Variants in LMO1 observed in about 807,000 individuals in gnomAD.
The protein encoded by LMO1 is LIM domain only 1.
Under a neutral mutation model 18.0 loss-of-function variants are expected in LMO1, and 10 were observed. That is an observed-to-expected ratio of 0.55 (90% CI 0.34 to 0.94). The LOEUF is 0.94. Ranked by LOEUF, LMO1 falls within the 40% of genes least tolerant of loss-of-function variation. The pLI is 0.02. For synonymous variants in LMO1, 77 were observed against 77.9 expected, an observed-to-expected ratio of 0.99 and a Z score of 0.06; for missense variants, 183 against 205.7, an observed-to-expected ratio of 0.89 and a Z score of 0.68.
chr11:8,260,599 C>T (rs1336172821), intron 1 of LMO1, among the ~76,000 whole-genome samples: 2 of 151,738 alleles, frequency 1.3e-5, no homozygotes, highest in African/African-American at 4.8e-5. Context: ...TTTTTTCTGA[C>T]GATTCAATAC....
chr11:8,233,077 G>A (rs1405519179), intron 1 of LMO1, among the ~76,000 whole-genome samples: 1 of 152,218 alleles, frequency 6.6e-6, no homozygotes, highest in Non-Finnish European at 1.5e-5. Context: ...GCTGGCCTCT[G>A]CACAGGCAGG....
At chr11:8,227,139 G>C (rs1262267785) in intron 2 of LMO1, 39 bp from the exon 3 acceptor site, 2 of 1,588,286 alleles carry the variant, frequency 1.3e-6, no homozygotes, top group South Asian at 1.1e-5. Flanking sequence ...GCAGCATTCT[G>C]GGAAGCTGGG....
intron 1 of LMO1, among the ~76,000 whole-genome samples, chr11:8,237,532 A>C (rs1952780525): frequency 6.6e-6 from 1 of 152,240 alleles, no homozygotes; most frequent in Admixed American, 6.5e-5. Flanking sequence ...CTCATTTGGA[A>C]TCAAAAGCCA....
At chr11:8,228,174 A>G (rs1952581905) in intron 2 of LMO1, among the ~76,000 whole-genome samples, 1 of 152,110 alleles carries the variant, frequency 6.6e-6, no homozygotes, top group African/African-American at 2.4e-5. Context: ...TGAGGCAGGC[A>G]CCCCTCCTCT....
chr11:8,229,626 G>C (rs1265751172), intron 2 of LMO1, among the ~76,000 whole-genome samples: 1 of 152,232 alleles, frequency 6.6e-6, no homozygotes, highest in Non-Finnish European at 1.5e-5. Flanking sequence ...ATTGTAGGGA[G>C]GGTGAGTTAG....
rs144555341 is a variant in LMO1 at position 8,245,212 on chromosome 11, C to T, written c.26-14708G>A. On this transcript the variant is annotated intron_variant, in intron 1 of 3. Transcript: ENST00000335790. ...TCCTTTGCCCTCCTACAGCATGCTC[C>T]GCTTCAGAGCCTACAACTGGCCATG... Among the ~76,000 whole-genome samples the T allele has an allele frequency of 5.3e-5, 8 of 152,212 alleles. 1 individual carries two copies. Among genetic ancestry groups the T allele is most frequent in the Middle Eastern group, 6.8e-3 (2 of 294 alleles).
upstream of LMO1, among the ~76,000 whole-genome samples, chr11:8,264,919 C>T (rs1376281442): frequency 6.6e-6 from 1 of 152,276 alleles, no homozygotes; most frequent in Admixed American, 6.5e-5. Flanking sequence ...GCGTGAGCTG[C>T]TGCGCCTGGC....
intron 1 of LMO1, among the ~76,000 whole-genome samples, chr11:8,252,646 A>G (rs946613398): frequency 6.6e-6 from 1 of 152,256 alleles, no homozygotes; most frequent in Non-Finnish European, 1.5e-5. Context: ...GGAGAGGCCC[A>G]TACGGCATGG....
intron 1 of LMO1, among the ~76,000 whole-genome samples, chr11:8,255,676 C>T (rs1363114861): frequency 6.6e-6 from 1 of 152,232 alleles, no homozygotes; most frequent in African/African-American, 2.4e-5. Context: ...ACCAGAAAAA[C>T]TGCTCAGCCA....
At chr11:8,243,845 G>A (rs578208101) in intron 1 of LMO1, among the ~76,000 whole-genome samples, 2 of 152,160 alleles carry the variant, frequency 1.3e-5, no homozygotes, top group African/African-American at 2.4e-5. Flanking sequence ...TGGCAGCTTC[G>A]GCTGCAGCCC....
Position 8,224,544 on chromosome 11 carries a change from G to T in LMO1, c.*72C>A. ...CTGGCCAGCCTGCACTGGTAGAGTG[G>T]CTGGCTGGCCGGCCAGGCAGGTGGG... On this transcript the variant is annotated 3_prime_UTR_variant, in exon 4 of 4. Coordinates refer to ENST00000335790, the MANE Select transcript of LMO1 (RefSeq NM_002315.3). 2.2e-6 allele frequency: 2 copies of T among 911,722 alleles called. No individual in the cohort carries two copies. The highest frequency in any genetic ancestry group is 3.5e-6 in the Non-Finnish European group (2 of 578,372). 56.5% of individuals were successfully genotyped at this position (911,722 alleles called of 1,614,324 possible).
intron 1 of LMO1, among the ~76,000 whole-genome samples, chr11:8,247,024 C>G (rs1377975): frequency 0.016 from 2,506 of 152,354 alleles, 30 homozygotes; most frequent in Middle Eastern, 0.024. Context: ...TCAAACCTTA[C>G]TGGATCCATC....
At chr11:8,246,797 G>C (rs574912764) in intron 1 of LMO1, among the ~76,000 whole-genome samples, 1 of 152,072 alleles carries the variant, frequency 6.6e-6, no homozygotes, top group Non-Finnish European at 1.5e-5. Flanking sequence ...GGTCAGCATA[G>C]CGGGGGAAAT....
upstream of LMO1, chr11:8,268,486 C>T: frequency 7.2e-7 from 1 of 1,383,202 alleles, no homozygotes; most frequent in Non-Finnish European, 9.4e-7. Flanking sequence ...GCCGAGGATA[C>T]GGAGGGGCGC....
intron 1 of LMO1, among the ~76,000 whole-genome samples, chr11:8,257,719 A>G (rs752195300): frequency 6.6e-6 from 1 of 152,212 alleles, no homozygotes; most frequent in African/African-American, 2.4e-5. Context: ...CCTCTTCCCA[A>G]GGTGCCACCT....
At chr11:8,263,881 G>A (rs1051268260), upstream of LMO1, 2 of 1,037,254 alleles carry the variant, frequency 1.9e-6, no homozygotes, top group Non-Finnish European at 2.3e-6. Context: ...CAATGTATGA[G>A]GTTTGCACTC....
intron 1 of LMO1, among the ~76,000 whole-genome samples, chr11:8,232,671 G>C (rs942450042): frequency 6.6e-6 from 1 of 152,206 alleles, no homozygotes; most frequent in African/African-American, 2.4e-5. Context: ...AGCCAGGCTT[G>C]CAGCAGGCCT....
intron 1 of LMO1, among the ~76,000 whole-genome samples, chr11:8,258,083 A>G (rs1847127198): frequency 6.6e-6 from 1 of 152,252 alleles, no homozygotes; most frequent in Non-Finnish European, 1.5e-5. Flanking sequence ...CTGGGTGGAC[A>G]TGGAACACAA....
At chr11:8,232,025 C>T (rs1388726193) in intron 1 of LMO1, among the ~76,000 whole-genome samples, 3 of 152,100 alleles carry the variant, frequency 2.0e-5, no homozygotes, top group South Asian at 4.1e-4. Flanking sequence ...GAGTCAGCCA[C>T]CGTCAAGCTG....
Sources: gnomAD v4.1 joint callset for allele counts (sites outside exome capture counted in the v4.1 genomes callset) on GRCh38, gnomAD v4.1.1 for gene constraint, MANE v1.5 for transcripts, NCBI Gene and HGNC (gene_info 2026-07-23, HGNC 2026-07-21) for gene names.